The following PRKCQ variants were observed in gnomAD, a reference collection of about 807,000 sequenced individuals.
PRKCQ encodes the protein protein kinase C theta, also known as protein kinase C theta type.
PRKCQ carries 41 observed loss-of-function variants against 91.2 expected under a neutral mutation model. The ratio of observed to expected loss-of-function variants is 0.45; its 90% confidence interval spans 0.35 to 0.58. The LOEUF (loss-of-function observed/expected upper bound fraction) is 0.58, where lower values mean the gene tolerates loss of function less well. Ranked by LOEUF, PRKCQ falls within the 20% of genes least tolerant of loss-of-function variation. The pLI is 0.00. For missense variants in PRKCQ, 673 were observed against 896.5 expected (o/e 0.75, Z 3.18); for synonymous variants, 307 against 316.9 (o/e 0.97, Z 0.33).
intron 1 of PRKCQ, among the ~76,000 whole-genome samples, chr10:6,529,048 C>T (rs954786977): frequency 3.9e-5 from 6 of 152,160 alleles, no homozygotes; most frequent in African/African-American, 7.2e-5. Flanking sequence ...GATGTCAGGG[C>T]GCCTGTGCCT....
At chr10:6,479,550 T>G (rs1365202696) in intron 11 of PRKCQ, among the ~76,000 whole-genome samples, 2 of 152,026 alleles carry the variant, frequency 1.3e-5, no homozygotes, top group Non-Finnish European at 2.9e-5. Context: ...TCACTGCAAG[T>G]GCACATAAAT....
Position 6,488,004 on chromosome 10 carries a change from C to CAAA in PRKCQ, c.791-1863_791-1861dup, listed in dbSNP as rs774276182. ...TGGGAGACAGAGCGAGACTGTGTCT[C>CAAA]AAAAAAAAAAAAAAAAAGAAACATC... On this transcript the variant is annotated intron_variant, in intron 8 of 17. Transcript: ENST00000263125. 3.0e-3 allele frequency among the ~76,000 whole-genome samples: 342 copies of CAAA among 113,180 alleles called. 2 individuals carry two copies. Among genetic ancestry groups the CAAA allele is most frequent in the African/African-American group, 0.011 (312 of 28,908 alleles). The allele number at this position is 113,180 out of a possible 152,430, so 74.3% of individuals were successfully genotyped here.
intron 4 of PRKCQ, among the ~76,000 whole-genome samples, chr10:6,502,735 TTGAC>T (rs919682523): frequency 2.0e-5 from 3 of 152,174 alleles, no homozygotes; most frequent in African/African-American, 4.8e-5. Context: ...ACACAAATGA[TTGAC>T]TGATGCATTC....
the PRKCQ span, among the ~76,000 whole-genome samples, chr10:6,398,398 G>C: frequency 6.6e-6 from 1 of 152,156 alleles, no homozygotes; most frequent in Non-Finnish European, 1.5e-5. Context: ...ACTGTGTGTT[G>C]GAAAATACTT....
intron 1 of PRKCQ, among the ~76,000 whole-genome samples, chr10:6,570,556 T>A (rs1280000061): frequency 6.8e-6 from 1 of 146,566 alleles, no homozygotes; most frequent in Non-Finnish European, 1.5e-5. Flanking sequence ...GGGGCTTCTT[T>A]TTTTTTTTTT....
chr10:6,538,297 A>C (rs1839656250), intron 1 of PRKCQ, among the ~76,000 whole-genome samples: 1 of 152,238 alleles, frequency 6.6e-6, no homozygotes, highest in South Asian at 2.1e-4. Flanking sequence ...GCCTGGGCCA[A>C]CCTGTTCATA....
chr10:6,518,345 A>G (rs894974608), intron 1 of PRKCQ, among the ~76,000 whole-genome samples: 9 of 152,218 alleles, frequency 5.9e-5, no homozygotes, highest in Non-Finnish European at 1.2e-4. Context: ...AAATGATCAG[A>G]TCTTTTAAAA....
the PRKCQ span, among the ~76,000 whole-genome samples, chr10:6,419,905 T>C: frequency 6.6e-6 from 1 of 152,116 alleles, no homozygotes; most frequent in African/African-American, 2.4e-5. Flanking sequence ...GCTGGGCTGG[T>C]CTTTAACTCC....
At chr10:6,408,891 G>A in the PRKCQ span, among the ~76,000 whole-genome samples, 2 of 152,244 alleles carry the variant, frequency 1.3e-5, no homozygotes, top group South Asian at 2.1e-4. Context: ...ATGAATTTAC[G>A]CAGAAGTGGA....
chr10:6,398,254 A>G, the PRKCQ span, among the ~76,000 whole-genome samples: 1 of 152,224 alleles, frequency 6.6e-6, no homozygotes, highest in African/African-American at 2.4e-5. Flanking sequence ...GTCTAGTCTT[A>G]CGCCAGTACC....
Position 6,537,066 on chromosome 10 carries a change from C to T in PRKCQ, c.-9-21922G>A, listed in dbSNP as rs1049468263. Among the ~76,000 whole-genome samples the T allele has an allele frequency of 7.9e-5, 12 of 152,286 alleles. No homozygotes were observed. The East Asian group carries it at 9.7e-4, about 12-fold the overall frequency. On this transcript the variant is annotated intron_variant, in intron 1 of 17. Transcript: ENST00000263125. ...AAGCATCAGGGACAGAAAGATGGGG[C>T]GCAGTGGGGGTGTCGGAGTGTGGCT...
intron 1 of PRKCQ, among the ~76,000 whole-genome samples, chr10:6,539,874 T>C (rs920944874): frequency 1.4e-4 from 22 of 152,342 alleles, no homozygotes; most frequent in Middle Eastern, 3.4e-3. Context: ...CAAAATATAG[T>C]TCTAATTGGC....
At chr10:6,420,814 T>TTC in the PRKCQ span, among the ~76,000 whole-genome samples, 1 of 152,034 alleles carries the variant, frequency 6.6e-6, no homozygotes, top group African/African-American at 2.4e-5. Context: ...TCAGAAAAAC[T>TTC]TCTCTCTCTC....
chr10:6,427,835 CCT>C lies in PRKCQ; in HGVS notation c.*370_*371del, dbSNP rs766957001. The C allele has an allele frequency of 8.1e-6, 2 of 247,986 alleles. No individual in the cohort carries two copies. Among genetic ancestry groups the C allele is most frequent in the Non-Finnish European group, 1.6e-5 (2 of 125,428 alleles). 15.4% of individuals were successfully genotyped at this position (247,986 alleles called of 1,614,324 possible). On this transcript the variant is annotated 3_prime_UTR_variant, in exon 18 of 18. Transcript: ENST00000263125. ...TTGAGACGTCTGTACTCCGTTTGCCCCTGATTCAACAAGCATTTCATTGATCA... is the reference window on the plus strand; with the variant it reads ...TTGAGACGTCTGTACTCCGTTTGCCCGATTCAACAAGCATTTCATTGATCA...
intron 15 of PRKCQ, among the ~76,000 whole-genome samples, chr10:6,447,218 C>G (rs990068665): frequency 1.3e-5 from 2 of 152,090 alleles, no homozygotes; most frequent in African/African-American, 4.8e-5. Context: ...ACCATCCTGG[C>G]CAACATGGTG....
At chr10:6,502,820 T>C (rs756954093) in intron 4 of PRKCQ, among the ~76,000 whole-genome samples, 8 of 152,214 alleles carry the variant, frequency 5.3e-5, no homozygotes, top group Non-Finnish European at 2.9e-5. Context: ...TATTATATAA[T>C]TAAGTACGAT....
intron 4 of PRKCQ, among the ~76,000 whole-genome samples, chr10:6,499,879 G>A (rs572982495): frequency 6.6e-6 from 1 of 152,228 alleles, no homozygotes; most frequent in Non-Finnish European, 1.5e-5. Context: ...GAGGAGCTGT[G>A]TGGGTAGAAA....
intron 15 of PRKCQ, among the ~76,000 whole-genome samples, chr10:6,450,696 T>C (rs1045868852): frequency 1.3e-5 from 2 of 152,088 alleles, no homozygotes; most frequent in Admixed American, 1.3e-4. Context: ...CCTCAGCAAA[T>C]GTAAAAGAAC....
chr10:6,454,935 G>A (rs1261836635), intron 15 of PRKCQ, among the ~76,000 whole-genome samples: 2 of 152,200 alleles, frequency 1.3e-5, no homozygotes, highest in Admixed American at 6.5e-5. Context: ...TCTGCAAGAA[G>A]CAGATGGAAA....
Sources: gnomAD v4.1 joint callset for allele counts (sites outside exome capture counted in the v4.1 genomes callset) on GRCh38, gnomAD v4.1.1 for gene constraint, MANE v1.5 for transcripts, NCBI Gene and HGNC (gene_info 2026-07-23, HGNC 2026-07-21) for gene names.